The following RBFOX1 variants were observed in gnomAD, a reference collection of about 807,000 sequenced individuals.
RBFOX1 encodes RNA binding fox-1 homolog 1.
RBFOX1 carries 8 observed loss-of-function variants against 57.7 expected under a neutral mutation model. The observed-to-expected ratio is 0.14, with a 90% CI of 0.08 to 0.25. The LOEUF (loss-of-function observed/expected upper bound fraction) is 0.25, where lower values mean the gene tolerates loss of function less well. Ranked by LOEUF, RBFOX1 falls within the 10% of genes least tolerant of loss-of-function variation. The pLI, the probability that RBFOX1 is intolerant of heterozygous loss-of-function variation, is 1.00. For synonymous variants in RBFOX1, 326 were observed against 222.4 expected, an observed-to-expected ratio of 1.47 and a Z score of -4.15; for missense variants, 611 against 548.5, an observed-to-expected ratio of 1.11 and a Z score of -1.14.
At chr16:6,986,931 C>T (rs1260589957) in intron 3 of RBFOX1, among the ~76,000 whole-genome samples, 1 of 152,168 alleles carries the variant, frequency 6.6e-6, no homozygotes, top group Non-Finnish European at 1.5e-5. Flanking sequence ...CCTTGCTCAC[C>T]TGCCCACCCC....
intron 2 of RBFOX1, among the ~76,000 whole-genome samples, chr16:6,410,192 G>A (rs992470713): frequency 4.0e-5 from 6 of 150,540 alleles, no homozygotes; most frequent in Non-Finnish European, 3.0e-5. Context: ...GTGTGTGTGT[G>A]TGTGTGTGTG....
At chr16:6,415,933 G>A (rs1035031020) in intron 2 of RBFOX1, among the ~76,000 whole-genome samples, 1 of 152,196 alleles carries the variant, frequency 6.6e-6, no homozygotes. Context: ...GGTTTAATCA[G>A]GATATCAAAA....
chr16:6,813,721 C>T (rs546949885), intron 3 of RBFOX1, among the ~76,000 whole-genome samples: 2 of 152,278 alleles, frequency 1.3e-5, no homozygotes, highest in South Asian at 2.1e-4. Context: ...AAAATCTTCT[C>T]CCTCTGTCCC....
At chr16:5,401,722 G>T (rs2066717876) in intron 1 of RBFOX1, among the ~76,000 whole-genome samples, 1 of 143,390 alleles carries the variant, frequency 7.0e-6, no homozygotes, top group South Asian at 2.2e-4. Context: ...TTTCTTGTTA[G>T]TATTTTCCCT....
intron 3 of RBFOX1, among the ~76,000 whole-genome samples, chr16:6,775,200 G>C (rs2079106077): frequency 1.3e-5 from 2 of 150,788 alleles, no homozygotes; most frequent in African/African-American, 4.9e-5. Context: ...AGCCTGGTGT[G>C]GTTCGGACGC....
chr16:6,339,870 G>A (rs554720732), intron 2 of RBFOX1, among the ~76,000 whole-genome samples: 1 of 151,788 alleles, frequency 6.6e-6, no homozygotes, highest in Admixed American at 6.6e-5. Context: ...GTAGAGAGAG[G>A]GTTTTACCAT....
chr16:6,391,162 T>C (rs2092581944), intron 2 of RBFOX1, among the ~76,000 whole-genome samples: 2 of 152,018 alleles, frequency 1.3e-5, no homozygotes, highest in African/African-American at 4.8e-5. Context: ...CTGCAAGAAG[T>C]TTGAGTTTAT....
At chr16:5,955,649 G>A (rs1037201589) in intron 4 of RBFOX1, among the ~76,000 whole-genome samples, 1 of 152,106 alleles carries the variant, frequency 6.6e-6, no homozygotes, top group Non-Finnish European at 1.5e-5. Flanking sequence ...TATTATCATA[G>A]AGGGAAAAAC....
At chr16:6,363,801 C>A (rs931175597) in intron 2 of RBFOX1, among the ~76,000 whole-genome samples, 6 of 152,036 alleles carry the variant, frequency 3.9e-5, no homozygotes, top group African/African-American at 1.4e-4. Flanking sequence ...AAAATCAGAC[C>A]CTCTTGTTAC....
At chr16:6,472,844 C>T (rs1194419055) in intron 2 of RBFOX1, among the ~76,000 whole-genome samples, 4 of 151,980 alleles carry the variant, frequency 2.6e-5, no homozygotes, top group East Asian at 3.9e-4. Context: ...AGGCTGGTCT[C>T]GAACTCCCAA....
At chr16:6,907,033 A>C (rs758216237) in intron 3 of RBFOX1, among the ~76,000 whole-genome samples, 1 of 151,740 alleles carries the variant, frequency 6.6e-6, no homozygotes, top group Non-Finnish European at 1.5e-5. Flanking sequence ...TTGCAGAACT[A>C]AATTTAAAAC....
intron 4 of RBFOX1, among the ~76,000 whole-genome samples, chr16:7,497,349 C>G (rs1030151581): frequency 6.6e-5 from 10 of 152,150 alleles, no homozygotes; most frequent in African/African-American, 2.2e-4. Flanking sequence ...TTGCACCTAA[C>G]TCACTCCATC....
rs1406348787 is a variant in RBFOX1 at position 7,194,084 on chromosome 16, ATTCTCTTTCCAT to A, written c.27+142000_27+142011del. Among the ~76,000 whole-genome samples, 9 of 152,146 alleles carry A rather than the reference ATTCTCTTTCCAT, an allele frequency of 5.9e-5. No homozygotes were observed. In the East Asian group the frequency reaches 1.4e-3, roughly 23 times the overall value. ...GAATCAATTATTGGGAGAAGGAGTTATTCTCTTTCCATTTCTCTTTCCATTACCCTATTCGTG... is the reference window on the plus strand; with the variant it reads ...GAATCAATTATTGGGAGAAGGAGTTATTCTCTTTCCATTACCCTATTCGTG... On this transcript the variant is annotated intron_variant, in intron 4 of 15. Transcript: ENST00000550418.
At position 6,100,387 on chromosome 16, in the gene RBFOX1, T is replaced by A. The variant is rs940570479; in HGVS notation, c.-127+80395T>A. 8.5e-5 allele frequency among the ~76,000 whole-genome samples: 13 copies of A among 152,210 alleles called. No individual in the cohort carries two copies. In the South Asian group the frequency reaches 1.2e-3, roughly 15 times the overall value. ...CCATGTTAGCCAGGATGGTCTCGAT[T>A]TCCTGACCGCGTGATCCGCCCGCCG... On this transcript the variant is annotated intron_variant, in intron 1 of 15. Coordinates refer to ENST00000550418, the MANE Select transcript of RBFOX1 (RefSeq NM_018723.4).
chr16:6,962,456 C>A (rs970155081), intron 3 of RBFOX1, among the ~76,000 whole-genome samples: 1 of 152,084 alleles, frequency 6.6e-6, no homozygotes, highest in African/African-American at 2.4e-5. Flanking sequence ...ATGACATTTC[C>A]CCTGATAAAG....
At chr16:7,371,341 G>T (rs2147319203) in intron 4 of RBFOX1, among the ~76,000 whole-genome samples, 1 of 152,288 alleles carries the variant, frequency 6.6e-6, no homozygotes, top group Non-Finnish European at 1.5e-5. Flanking sequence ...TAATTCAAAT[G>T]ATGCTAGTAA....
Position 5,687,483 on chromosome 16 carries a change from TAA to T in RBFOX1, c.318+88524_318+88525del, listed in dbSNP as rs1370384712. Among the ~76,000 whole-genome samples the T allele has an allele frequency of 2.6e-5, 4 of 152,364 alleles. No individual in the cohort carries two copies. The East Asian group carries it at 7.7e-4, about 29-fold the overall frequency. ...GGAGTATTAAATTAGACAGCAAAGA[TAA>T]AGAGTCATTCTGAAGCTATGTTCGA... is the stretch of plus-strand genomic sequence containing the variant. On this transcript the variant is annotated intron_variant, in intron 3 of 19. Coordinates refer to the RBFOX1 transcript ENST00000641259.
At chr16:6,380,952 G>T (rs2091750027) in intron 2 of RBFOX1, among the ~76,000 whole-genome samples, 1 of 152,124 alleles carries the variant, frequency 6.6e-6, no homozygotes, top group Admixed American at 6.5e-5. Flanking sequence ...TCTGGTGATT[G>T]CTTGTCTTGG....
chr16:5,650,448 T>C (rs1422836062), intron 3 of RBFOX1, among the ~76,000 whole-genome samples: 1 of 152,138 alleles, frequency 6.6e-6, no homozygotes, highest in African/African-American at 2.4e-5. Flanking sequence ...AGTCTGCATT[T>C]TTAGAGACAG....
Sources: gnomAD v4.1 joint callset for allele counts (sites outside exome capture counted in the v4.1 genomes callset) on GRCh38, gnomAD v4.1.1 for gene constraint, MANE v1.5 for transcripts, NCBI Gene and HGNC (gene_info 2026-07-23, HGNC 2026-07-21) for gene names.